CUBN: variants seen among roughly 807,000 people sequenced by gnomAD.
CUBN encodes the protein cubilin, also known as 460 kDa receptor.
CUBN carries 282 observed loss-of-function variants against 405.3 expected under a neutral mutation model. That is an observed-to-expected ratio of 0.70 (90% CI 0.63 to 0.77). CUBN has a LOEUF of 0.77. CUBN is among the 30% of genes least tolerant of loss of function. The pLI is 0.00. For missense variants in CUBN, 4,514 were observed against 4,475.2 expected, an observed-to-expected ratio of 1.01 and a Z score of -0.25; for synonymous variants, 1,684 against 1,617.0, an observed-to-expected ratio of 1.04 and a Z score of -0.99.
intron 56 of CUBN, among the ~76,000 whole-genome samples, chr10:16,884,419 T>A (rs1051754151): frequency 2.6e-5 from 4 of 151,894 alleles, no homozygotes; most frequent in Non-Finnish European, 5.9e-5. Flanking sequence ...ATTGAGGGCT[T>A]CTAGTTGGCC....
At chr10:17,084,185 C>T in intron 17 of CUBN, 86 bp downstream of exon 17, 2 of 1,370,094 alleles carry the variant, frequency 1.5e-6, no homozygotes, top group Non-Finnish European at 1.0e-6. Context: ...TGCTGGTGGC[C>T]CAACAATCTT....
chr10:17,092,425 T>C (rs184499074), intron 14 of CUBN, among the ~76,000 whole-genome samples: 9 of 152,092 alleles, frequency 5.9e-5, no homozygotes, highest in Non-Finnish European at 1.0e-4. Context: ...GGCTGAGACC[T>C]ACTAGACTGC....
intron 55 of CUBN, among the ~76,000 whole-genome samples, chr10:16,889,947 A>AAAAAAAAAAAAAAACAAAACAAAAC: frequency 6.9e-6 from 1 of 144,198 alleles, no homozygotes; most frequent in African/African-American, 2.6e-5. Context: ...AAAAAAAAAA[A>AAAAAAAAAAAAAAACAAAACAAAAC]AAAAAACAGG....
intron 29 of CUBN, among the ~76,000 whole-genome samples, chr10:16,988,372 G>A (rs1833488836): frequency 6.6e-6 from 1 of 152,152 alleles, no homozygotes; most frequent in Non-Finnish European, 1.5e-5. Flanking sequence ...CTGTGAGTGT[G>A]AATTTCAGGA....
chr10:17,114,191 T>G lies in CUBN; in HGVS notation c.721-2A>C. On this transcript the variant is annotated splice_acceptor_variant, in intron 7 of 66. Transcript: ENST00000377833. LOFTEE classifies it high-confidence loss of function. ...ATCACAGACGCAGCTGTACTTGGGC[T>G]GGCAGGATGACAACAGCGTGAATAA... 6.2e-7 allele frequency: 1 copy of G among 1,613,774 alleles called. No individual in the cohort carries two copies. The highest frequency in any genetic ancestry group is 8.5e-7 in the Non-Finnish European group (1 of 1,179,898).
intron 6 of CUBN, among the ~76,000 whole-genome samples, chr10:17,118,403 T>G (rs2131317734): frequency 6.6e-6 from 1 of 152,274 alleles, no homozygotes; most frequent in East Asian, 1.9e-4. Context: ...TAAGTAGAGT[T>G]ATATGAAGAT....
intron 28 of CUBN, among the ~76,000 whole-genome samples, chr10:17,014,904 G>A (rs1834286183): frequency 6.6e-6 from 1 of 152,152 alleles, no homozygotes; most frequent in African/African-American, 2.4e-5. Context: ...TCAGAGTGCA[G>A]GAGAATACAG....
At chr10:17,057,699 AC>A (rs1835425041) in intron 22 of CUBN, among the ~76,000 whole-genome samples, 2 of 152,156 alleles carry the variant, frequency 1.3e-5, no homozygotes, top group Non-Finnish European at 2.9e-5. Context: ...AAAAAGCTCA[AC>A]TATCTAACAA....
intron 43 of CUBN, among the ~76,000 whole-genome samples, chr10:16,922,842 A>G (rs1465758235): frequency 2.1e-5 from 3 of 143,786 alleles, no homozygotes; most frequent in Non-Finnish European, 4.6e-5. Flanking sequence ...ACCATATACC[A>G]TGTTCTTTTT....
At chr10:16,849,824 G>A (rs558945066) in intron 60 of CUBN, among the ~76,000 whole-genome samples, 28 of 152,154 alleles carry the variant, frequency 1.8e-4, no homozygotes, top group Non-Finnish European at 2.2e-4. Flanking sequence ...CTGATTTCAG[G>A]TTAGTCTTCC....
In CUBN at chr10:16,957,995, G is replaced by C. The variant is rs187295853; in HGVS notation, c.4696-3447C>G. 7.8e-4 allele frequency among the ~76,000 whole-genome samples: 119 copies of C among 152,074 alleles called. 4 individuals are homozygous for C. Among genetic ancestry groups the C allele is most frequent in the Admixed American group, 7.7e-3 (118 of 15,270 alleles). The stretch of plus-strand genomic sequence containing the variant: ...AAAAAATTTTCTCCGAAATTCAAAG[G>C]TCCAAGGAATAAGTACATATTGTTT... On this transcript the variant is annotated intron_variant, in intron 31 of 66. Transcript: ENST00000377833.
In CUBN at chr10:17,008,061, G is replaced by A. The variant is rs369930597; in HGVS notation, c.4168+11772C>T. Reference sequence around the variant, plus strand: ...CCAGCTACTCAAGAGGATGAGGTGGGAGGATCACCTTATCAAAAGGCTGAG... The same window carrying A: ...CCAGCTACTCAAGAGGATGAGGTGGAAGGATCACCTTATCAAAAGGCTGAG... On this transcript the variant is annotated intron_variant, in intron 28 of 66. Coordinates refer to ENST00000377833, the MANE Select transcript of CUBN (RefSeq NM_001081.4). 1.1e-4 allele frequency among the ~76,000 whole-genome samples: 17 copies of A among 152,260 alleles called. 2 individuals carry two copies. Among genetic ancestry groups the A allele is most frequent in the Admixed American group, 2.6e-4 (4 of 15,300 alleles).
chr10:16,881,990 T>C (rs1166624289), intron 56 of CUBN, among the ~76,000 whole-genome samples: 1 of 152,200 alleles, frequency 6.6e-6, no homozygotes, highest in Non-Finnish European at 1.5e-5. Context: ...TATTAAACAC[T>C]TTCTCATCAT....
intron 28 of CUBN, among the ~76,000 whole-genome samples, chr10:16,995,069 C>T (rs762562770): frequency 2.6e-5 from 4 of 152,190 alleles, no homozygotes; most frequent in South Asian, 2.1e-4. Context: ...CCAGCCTGGG[C>T]GACAGAGCAA....
At chr10:16,950,275 C>T (rs1842894171) in intron 33 of CUBN, among the ~76,000 whole-genome samples, 164 bp from the exon 34 acceptor site, 1 of 152,076 alleles carries the variant, frequency 6.6e-6, no homozygotes, top group Admixed American at 6.6e-5. Context: ...TCGATAATAA[C>T]TTATTGTACA....
intron 13 of CUBN, among the ~76,000 whole-genome samples, chr10:17,102,533 C>T (rs967397441): frequency 6.6e-6 from 1 of 150,954 alleles, no homozygotes; most frequent in South Asian, 2.1e-4. Context: ...GCAATGTGCC[C>T]GCCTCAGCCT....
At chr10:17,081,324 C>T (rs1050218669) in intron 17 of CUBN, among the ~76,000 whole-genome samples, 16 of 152,104 alleles carry the variant, frequency 1.1e-4, no homozygotes, top group African/African-American at 2.4e-5. Context: ...AAGTAAATGT[C>T]CTTAGGATCA....
chr10:16,893,324 T>C (rs1197902818), intron 54 of CUBN, among the ~76,000 whole-genome samples: 2 of 152,194 alleles, frequency 1.3e-5, no homozygotes, highest in Admixed American at 6.5e-5. Context: ...AACTGTAGTA[T>C]ACTATCACAA....
chr10:16,854,315 A>G (rs1021936467), intron 59 of CUBN, among the ~76,000 whole-genome samples: 3 of 152,222 alleles, frequency 2.0e-5, no homozygotes, highest in African/African-American at 7.2e-5. Context: ...AGGATTGGGA[A>G]AACAGGATGG....
Sources: gnomAD v4.1 joint callset for allele counts (sites outside exome capture counted in the v4.1 genomes callset) on GRCh38, gnomAD v4.1.1 for gene constraint, MANE v1.5 for transcripts, NCBI Gene and HGNC (gene_info 2026-07-23, HGNC 2026-07-21) for gene names.